The following ADGRL3 variants were observed in gnomAD, a reference collection of about 807,000 sequenced individuals.
The protein encoded by ADGRL3 is adhesion G protein-coupled receptor L3, also known as calcium-independent alpha-latrotoxin receptor 3.
ADGRL3 carries 62 observed loss-of-function variants against 153.5 expected under a neutral mutation model. The observed-to-expected ratio is 0.40, with a 90% CI of 0.33 to 0.50. The LOEUF (loss-of-function observed/expected upper bound fraction) is 0.50, where lower values mean the gene tolerates loss of function less well. Ranked by LOEUF, ADGRL3 falls within the 20% of genes least tolerant of loss-of-function variation. ADGRL3 has a pLI of 0.47. For missense variants in ADGRL3, 1,641 were observed against 1,859.4 expected, an observed-to-expected ratio of 0.88 and a Z score of 2.16; for synonymous variants, 710 against 672.5, an observed-to-expected ratio of 1.06 and a Z score of -0.86.
At chr4:62,047,328 A>G (rs1438002185) in intron 25 of ADGRL3, among the ~76,000 whole-genome samples, 1 of 152,056 alleles carries the variant, frequency 6.6e-6, no homozygotes, top group Middle Eastern at 3.2e-3. Context: ...TTAATTCATT[A>G]AAAGAGTATT....
intron 2 of ADGRL3, among the ~76,000 whole-genome samples, chr4:61,384,572 C>A (rs1010900682): frequency 6.6e-6 from 1 of 151,750 alleles, no homozygotes; most frequent in Admixed American, 6.6e-5. Context: ...ATATTCATTT[C>A]TATAATTACT....
chr4:61,403,156 C>T (rs1412267792), intron 2 of ADGRL3, among the ~76,000 whole-genome samples: 2 of 152,184 alleles, frequency 1.3e-5, no homozygotes, highest in South Asian at 2.1e-4. Flanking sequence ...ATAAGATATA[C>T]ATATTTGGTC....
chr4:61,543,289 G>C (rs1430293645), intron 4 of ADGRL3, among the ~76,000 whole-genome samples: 1 of 152,018 alleles, frequency 6.6e-6, no homozygotes, highest in African/African-American at 2.4e-5. Flanking sequence ...TATGTAGATG[G>C]GTTCATTGTA....
At chr4:61,388,431 GT>G (rs2096765429) in intron 2 of ADGRL3, among the ~76,000 whole-genome samples, 1 of 152,174 alleles carries the variant, frequency 6.6e-6, no homozygotes, top group Non-Finnish European at 1.5e-5. Context: ...TGAAACCAAA[GT>G]TTTCAAAATA....
rs921114738 is a variant in ADGRL3, at chr4:62,076,220, A to G, written c.*5312A>G. 5.3e-5 allele frequency: 8 copies of G among 152,144 alleles called. No homozygotes were observed. Among genetic ancestry groups the G allele is most frequent in the Admixed American group, 1.3e-4 (2 of 15,266 alleles). The allele number at this position is 152,144 out of a possible 1,614,324, so 9.4% of individuals were successfully genotyped here. Reference sequence around the variant, plus strand: ...TCACATCTAGCACCTATAAGTTACTATTCAAATGTCTTGATTTCAGCTAAG... The same window carrying G: ...TCACATCTAGCACCTATAAGTTACTGTTCAAATGTCTTGATTTCAGCTAAG... On this transcript the variant is annotated 3_prime_UTR_variant, in exon 27 of 27. Coordinates refer to ENST00000683033, the MANE Select transcript of ADGRL3 (RefSeq NM_001387552.1).
chr4:61,925,385 A>G (rs766256115), intron 13 of ADGRL3, among the ~76,000 whole-genome samples: 1 of 152,088 alleles, frequency 6.6e-6, no homozygotes, highest in African/African-American at 2.4e-5. Flanking sequence ...CAGACATACC[A>G]ATGGCTTTAA....
chr4:61,289,866 GT>G (rs1213544821), intron 1 of ADGRL3, among the ~76,000 whole-genome samples: 1 of 152,114 alleles, frequency 6.6e-6, no homozygotes, highest in East Asian at 1.9e-4. Flanking sequence ...GGTTCCTCAG[GT>G]TACTCTTCTA....
At chr4:61,786,272 T>C (rs1212476060) in intron 8 of ADGRL3, among the ~76,000 whole-genome samples, 2 of 152,214 alleles carry the variant, frequency 1.3e-5, no homozygotes, top group South Asian at 2.1e-4. Context: ...AGCCAGTTTG[T>C]AGCATTTAGT....
intron 1 of ADGRL3, among the ~76,000 whole-genome samples, chr4:61,238,625 C>G (rs1753762903): frequency 1.3e-5 from 2 of 152,152 alleles, no homozygotes; most frequent in East Asian, 1.9e-4. Context: ...GGAGTTAAGA[C>G]TTGGAGTTTT....
At chr4:61,747,715 A>G (rs1476753510) in intron 8 of ADGRL3, among the ~76,000 whole-genome samples, 11 of 148,216 alleles carry the variant, frequency 7.4e-5, no homozygotes, top group South Asian at 2.2e-4. Context: ...TCTCAAAATA[A>G]TAAGAGCTAT....
At chr4:61,649,529 A>G (rs1298178391) in intron 5 of ADGRL3, among the ~76,000 whole-genome samples, 1 of 151,996 alleles carries the variant, frequency 6.6e-6, no homozygotes, top group Non-Finnish European at 1.5e-5. Context: ...TTTACAGTTT[A>G]TGTATTTTGT....
intron 8 of ADGRL3, among the ~76,000 whole-genome samples, chr4:61,805,116 C>T (rs2097540542): frequency 6.6e-6 from 1 of 151,754 alleles, no homozygotes; most frequent in African/African-American, 2.4e-5. Context: ...CCACCATGCC[C>T]AGCTAATTTT....
intron 2 of ADGRL3, among the ~76,000 whole-genome samples, chr4:61,391,705 A>T (rs887556330): frequency 3.3e-5 from 5 of 151,406 alleles, no homozygotes; most frequent in African/African-American, 1.2e-4. Flanking sequence ...TTATGGTGCC[A>T]TTTTTATTAA....
At chr4:61,692,166 C>T (rs777294344) in intron 6 of ADGRL3, among the ~76,000 whole-genome samples, 2 of 152,124 alleles carry the variant, frequency 1.3e-5, no homozygotes, top group African/African-American at 2.4e-5. Flanking sequence ...TATGCCAGCA[C>T]TAAATACTTT....
chr4:61,989,509 AT>A (rs1402700110), intron 19 of ADGRL3, among the ~76,000 whole-genome samples: 1 of 152,020 alleles, frequency 6.6e-6, no homozygotes, highest in African/African-American at 2.4e-5. Context: ...TTTATATACT[AT>A]TTTATTAAAG....
intron 1 of ADGRL3, among the ~76,000 whole-genome samples, chr4:61,307,723 A>T (rs760427896): frequency 4.6e-5 from 7 of 152,222 alleles, no homozygotes; most frequent in Non-Finnish European, 8.8e-5. Flanking sequence ...GTAATATAAT[A>T]TGAAAAAGTA....
At chr4:61,889,615 A>G (rs903337644) in intron 9 of ADGRL3, among the ~76,000 whole-genome samples, 1 of 152,228 alleles carries the variant, frequency 6.6e-6, no homozygotes, top group Admixed American at 6.5e-5. Flanking sequence ...TTTTCATTAC[A>G]TGGTACTGGT....
intron 2 of ADGRL3, among the ~76,000 whole-genome samples, chr4:61,405,298 T>C (rs1048816642): frequency 2.0e-5 from 3 of 152,052 alleles, no homozygotes; most frequent in African/African-American, 7.2e-5. Flanking sequence ...GTGTGTGTAA[T>C]TAGTATTATA....
chr4:61,403,911 T>C (rs778847168), intron 2 of ADGRL3, among the ~76,000 whole-genome samples: 5 of 152,016 alleles, frequency 3.3e-5, no homozygotes, highest in Non-Finnish European at 7.4e-5. Context: ...AGAATAATAG[T>C]AGTATAGTGA....
Sources: gnomAD v4.1 joint callset for allele counts (sites outside exome capture counted in the v4.1 genomes callset) on GRCh38, gnomAD v4.1.1 for gene constraint, MANE v1.5 for transcripts, NCBI Gene and HGNC (gene_info 2026-07-23, HGNC 2026-07-21) for gene names.